Variants in RFTN1 observed in about 807,000 individuals in gnomAD.
RFTN1 encodes the protein raftlin.
In RFTN1, 26 loss-of-function variants were observed where a neutral mutation model predicts 46.5. That is an observed-to-expected ratio of 0.56 (90% CI 0.41 to 0.78). The LOEUF (loss-of-function observed/expected upper bound fraction) is 0.78. RFTN1 is among the 30% of genes least tolerant of loss of function. The pLI, the probability that RFTN1 is intolerant of heterozygous loss-of-function variation, is 0.00. For missense variants in RFTN1, 693 were observed against 718.7 expected (o/e 0.96, Z 0.41); for synonymous variants, 261 against 284.2 (o/e 0.92, Z 0.82).
At chr3:16,420,392 C>A (rs1258744315) in intron 3 of RFTN1, among the ~76,000 whole-genome samples, 1 of 152,306 alleles carries the variant, frequency 6.6e-6, no homozygotes, top group East Asian at 1.9e-4. Flanking sequence ...TAAAAGCAGT[C>A]TGCCTGACAT....
rs2070812173 is a variant in RFTN1 at position 16,336,014 on chromosome 3, T to G, written c.1147-9138A>C. 6.6e-6 allele frequency among the ~76,000 whole-genome samples: 1 copy of G among 152,146 alleles called. No individual in the cohort carries two copies. The highest frequency in any genetic ancestry group is 6.5e-5 in the Admixed American group (1 of 15,282). On this transcript the variant is annotated intron_variant, in intron 7 of 9. Transcript: ENST00000334133. The surrounding 1 kb of genome is among the most constrained non-coding windows in gnomAD (Gnocchi z 6.0). Reference sequence around the variant, plus strand: ...GGCCCTGCTCAGCACACGCTGGCTATAGCGGCACTCGAGGAGGGTAGAGGT... The same window carrying G: ...GGCCCTGCTCAGCACACGCTGGCTAGAGCGGCACTCGAGGAGGGTAGAGGT...
rs2124898276 is a variant in RFTN1, at chr3:16,448,162, T to A, written c.146-14125A>T. Among the ~76,000 whole-genome samples the A allele has an allele frequency of 6.6e-6, 1 of 152,238 alleles. No homozygotes were observed. The highest frequency in any genetic ancestry group is 3.4e-3 in the Middle Eastern group (1 of 292). ...TCTCCCAATAATAATTTTTTATTGA[T>A]TCCATATTGAAATGATAAATTGTCT... On this transcript the variant is annotated intron_variant, in intron 2 of 9. Coordinates refer to ENST00000334133, the MANE Select transcript of RFTN1 (RefSeq NM_015150.2). The surrounding 1 kb of genome is among the most constrained non-coding windows in gnomAD (Gnocchi z 4.1).
intron 6 of RFTN1, among the ~76,000 whole-genome samples, chr3:16,369,250 G>C (rs2073386534): frequency 6.6e-6 from 1 of 152,260 alleles, no homozygotes; most frequent in Non-Finnish European, 1.5e-5. Flanking sequence ...TAATTCTTGA[G>C]AGAAAACAGC....
rs148689519 is a variant in RFTN1, at chr3:16,335,359, C to A, written c.1147-8483G>T. ...GGAAGGAATCAGCCCTTGGACAATC[C>A]TGCATGGGAAACAGGCTTAAGAAGG... On this transcript the variant is annotated intron_variant, in intron 7 of 9. Coordinates refer to ENST00000334133, the MANE Select transcript of RFTN1 (RefSeq NM_015150.2). This position sits in a 1 kb window ranked among gnomAD's most constrained non-coding sequence, Gnocchi z 4.7. 1.1e-3 allele frequency among the ~76,000 whole-genome samples: 170 copies of A among 152,306 alleles called. No homozygotes were observed. The highest frequency in any genetic ancestry group is 3.9e-3 in the African/African-American group (163 of 41,558).
rs1308947838 is a variant in RFTN1 at position 16,320,066 on chromosome 3, G to T, written c.1333-2834C>A. On this transcript the variant is annotated intron_variant, in intron 9 of 9. Transcript: ENST00000334133. The surrounding 1 kb of genome is among the most constrained non-coding windows in gnomAD (Gnocchi z 4.5). ...GAAATAACTGTCTAAAAGAAAAAAA[G>T]AAATCCTTCACTTTACAGCAGTGTG... 6.6e-6 allele frequency among the ~76,000 whole-genome samples: 1 copy of T among 152,212 alleles called. No homozygotes were observed. Among genetic ancestry groups the T allele is most frequent in the Non-Finnish European group, 1.5e-5 (1 of 68,038 alleles).
intron 2 of RFTN1, among the ~76,000 whole-genome samples, chr3:16,436,355 A>C (rs1396376541): frequency 7.1e-6 from 1 of 140,370 alleles, no homozygotes; most frequent in Admixed American, 7.2e-5. Flanking sequence ...CATGAAAAAA[A>C]AAATTTTTTT....
intron 7 of RFTN1, among the ~76,000 whole-genome samples, chr3:16,340,288 T>C (rs945694195): frequency 6.6e-6 from 1 of 152,360 alleles, no homozygotes; most frequent in South Asian, 2.1e-4. Context: ...AGCTAGCACA[T>C]TGGGGCTTGC....
Position 16,341,969 on chromosome 3 carries a change from G to T in RFTN1, c.1147-15093C>A, listed in dbSNP as rs551838246. ...GATGCTGAAAGTTGGGGTTTACTTT[G>T]CTTTCTTTTCTTGACCTGTATTTTC... On this transcript the variant is annotated intron_variant, in intron 7 of 9. Transcript: ENST00000334133. The surrounding 1 kb of genome is among the most constrained non-coding windows in gnomAD (Gnocchi z 4.7). Among the ~76,000 whole-genome samples, 1 of 152,258 alleles carries T rather than the reference G, an allele frequency of 6.6e-6. No homozygotes were observed.
rs2076101542 is a variant in RFTN1, at chr3:16,466,812, C to T, written c.145+26913G>A. Among the ~76,000 whole-genome samples, 1 of 152,168 alleles carries T rather than the reference C, an allele frequency of 6.6e-6. No homozygotes were observed. The highest frequency in any genetic ancestry group is 2.1e-4 in the South Asian group (1 of 4,822). ...CACATACACAGACACACATACGCTT[C>T]TCATAGCTGAAAACATGGAAGGCAG... On this transcript the variant is annotated intron_variant, in intron 2 of 9. Transcript: ENST00000334133. This position sits in a 1 kb window ranked among gnomAD's most constrained non-coding sequence, Gnocchi z 5.6.
Position 16,323,436 on chromosome 3 carries a change from C to A in RFTN1, c.1272G>T (p.Lys424Asn). Reference sequence around the variant, plus strand: ...AAGGTCTCTGAAGAAAGACAATCTGCTTGGTGGATACACTCCCCTCGCTGT... The same window carrying A: ...AAGGTCTCTGAAGAAAGACAATCTGATTGGTGGATACACTCCCCTCGCTGT... ...KTTSEGSVST[K>N]QIVFLQRPCL... The change falls in exon 9 of 10, where the codon AAG becomes AAT. Residue 424 changes from lysine to asparagine, a missense_variant. Physicochemically the swap from Lys to Asn is moderately conservative, Grantham distance 94. Transcript: ENST00000334133. The A allele has an allele frequency of 1.9e-6, 3 of 1,612,564 alleles. No homozygotes were observed. The highest frequency in any genetic ancestry group is 2.5e-6 in the Non-Finnish European group (3 of 1,178,688).
At chr3:16,510,272 C>G (rs963287731) in intron 1 of RFTN1, among the ~76,000 whole-genome samples, 7 of 152,190 alleles carry the variant, frequency 4.6e-5, no homozygotes, top group African/African-American at 1.7e-4. Flanking sequence ...GACTCTCCAC[C>G]AAGTTAATAT....
chr3:16,395,064 C>T (rs2074435819), intron 4 of RFTN1, among the ~76,000 whole-genome samples: 1 of 152,090 alleles, frequency 6.6e-6, no homozygotes, highest in African/African-American at 2.4e-5. Flanking sequence ...AGGGGAAAAG[C>T]ACCATTTCCA....
intron 6 of RFTN1, among the ~76,000 whole-genome samples, chr3:16,368,644 A>T (rs1238245402): frequency 1.4e-5 from 2 of 144,534 alleles, no homozygotes; most frequent in Non-Finnish European, 3.0e-5. Context: ...GCATTCCAGC[A>T]CTCCAGCCTG....
At chr3:16,349,105 G>A (rs1404718370) in intron 7 of RFTN1, 1 of 152,238 alleles carries the variant, frequency 6.6e-6, no homozygotes, top group Non-Finnish European at 1.5e-5. Context: ...CATCATTATG[G>A]GAAGGGAAAT....
intron 8 of RFTN1, among the ~76,000 whole-genome samples, chr3:16,324,108 T>G (rs954254047): frequency 6.6e-6 from 1 of 152,230 alleles, no homozygotes; most frequent in Non-Finnish European, 1.5e-5. Flanking sequence ...GATCACTGTT[T>G]TTTTTTTCCC....
At position 16,460,543 on chromosome 3, in the gene RFTN1, G is replaced by A. The variant is rs1158702217; in HGVS notation, c.146-26506C>T. ...TGGATCAATGACGTCAACAACCAACGCCGCTGTCCAAAACCAAAACCTCAC... is the reference window on the plus strand; with the variant it reads ...TGGATCAATGACGTCAACAACCAACACCGCTGTCCAAAACCAAAACCTCAC... On this transcript the variant is annotated intron_variant, in intron 2 of 9. Coordinates refer to ENST00000334133, the MANE Select transcript of RFTN1 (RefSeq NM_015150.2). The surrounding 1 kb of genome is among the most constrained non-coding windows in gnomAD (Gnocchi z 4.8). 1.3e-5 allele frequency among the ~76,000 whole-genome samples: 2 copies of A among 152,104 alleles called. No homozygotes were observed. Among genetic ancestry groups the A allele is most frequent in the Non-Finnish European group, 2.9e-5 (2 of 68,010 alleles).
At chr3:16,332,980 C>T (rs534506485) in intron 7 of RFTN1, among the ~76,000 whole-genome samples, 5 of 152,234 alleles carry the variant, frequency 3.3e-5, no homozygotes, top group South Asian at 2.1e-4. Flanking sequence ...AGCATCTGGT[C>T]GCAACAGTTT....
chr3:16,370,115 T>C lies in RFTN1; in HGVS notation c.991A>G (p.Met331Val), dbSNP rs1270188930. The change falls in exon 6 of 10, where the codon ATG becomes GTG. Residue 331 changes from methionine (M) to valine (V), a missense_variant. Met to Val is a conservative substitution (Grantham distance 21). Coordinates refer to ENST00000334133, the MANE Select transcript of RFTN1 (RefSeq NM_015150.2). This position sits in a 1 kb window ranked among gnomAD's most constrained non-coding sequence, Gnocchi z 5.5. ...HMSDHFRKGGMLVNAVFYLGI... is the reference protein window; with the variant it reads ...HMSDHFRKGGVLVNAVFYLGI... ...AGGTAGAAGACTGCGTTCACCAGCA[T>C]GCCTCCTTTCCGGAAGTGGTCGCTC... 1 of 1,614,256 alleles carries C rather than the reference T, an allele frequency of 6.2e-7. No individual in the cohort carries two copies. Among genetic ancestry groups the C allele is most frequent in the Admixed American group, 1.7e-5 (1 of 60,030 alleles).
chr3:16,422,576 A>G lies in RFTN1; in HGVS notation c.332+11275T>C, dbSNP rs2075207074. ...AACCCGGGAGGCGGAAGTTGCAGTG[A>G]GCCGAGATTGTGCCACTGCACTCCA... On this transcript the variant is annotated intron_variant, in intron 3 of 9. Transcript: ENST00000334133. This position sits in a 1 kb window ranked among gnomAD's most constrained non-coding sequence, Gnocchi z 4.6. Among the ~76,000 whole-genome samples the G allele has an allele frequency of 6.6e-6, 1 of 151,868 alleles. No homozygotes were observed.
Sources: gnomAD v4.1 joint callset for allele counts (sites outside exome capture counted in the v4.1 genomes callset) on GRCh38, gnomAD v4.1.1 for gene constraint, Gnocchi (gnomAD v3.1) non-coding constraint, MANE v1.5 for transcripts, NCBI Gene and HGNC (gene_info 2026-07-23, HGNC 2026-07-21) for gene names.